The following OTUD7A variants were observed in gnomAD, a reference collection of about 807,000 sequenced individuals.
OTUD7A encodes the protein OTU deubiquitinase 7A.
In OTUD7A, 12 loss-of-function variants were observed where a neutral mutation model predicts 65.7. That is an observed-to-expected ratio of 0.18 (90% confidence interval 0.12 to 0.30). OTUD7A has a LOEUF of 0.30. Ranked by LOEUF, OTUD7A falls within the 10% of genes least tolerant of loss-of-function variation. OTUD7A has a pLI of 1.00. For missense variants in OTUD7A, 1,148 were observed against 1,304.8 expected (o/e 0.88, Z 1.85); for synonymous variants, 641 against 586.3 (o/e 1.09, Z -1.35).
chr15:31,532,964 G>T, intron 5 of OTUD7A, among the ~76,000 whole-genome samples: 1 of 138,282 alleles, frequency 7.2e-6, no homozygotes, highest in Admixed American at 7.2e-5. Flanking sequence ...AGTGTTCAAA[G>T]AAATAATCAC....
intron 1 of OTUD7A, among the ~76,000 whole-genome samples, chr15:31,733,016 ACT>A (rs1894088970): frequency 6.6e-6 from 1 of 152,024 alleles, no homozygotes; most frequent in Non-Finnish European, 1.5e-5. Context: ...AAGAATTAAA[ACT>A]CAGCCAGTCT....
intron 5 of OTUD7A, among the ~76,000 whole-genome samples, chr15:31,549,135 CAA>C (rs568463366): frequency 0.11 from 6,893 of 64,990 alleles, 516 homozygotes; most frequent in African/African-American, 0.28. Flanking sequence ...GGCCTTGTCT[CAA>C]AAAAAAAAAA....
intron 10 of OTUD7A, among the ~76,000 whole-genome samples, chr15:31,496,147 T>TACTTCCTCCATTATTTTATTC: frequency 1.3e-5 from 2 of 152,050 alleles, no homozygotes; most frequent in East Asian, 3.9e-4. Flanking sequence ...TGTCTTGTAA[T>TACTTCCTCCATTATTTTATTC]AGGCATTACA....
intron 8 of OTUD7A, among the ~76,000 whole-genome samples, chr15:31,517,949 C>T (rs545489786): frequency 1.3e-5 from 2 of 152,242 alleles, no homozygotes; most frequent in East Asian, 1.9e-4. Context: ...GGCAGTCACC[C>T]AGCCACCCAG....
At chr15:31,834,774 A>G (rs957791668) in intron 1 of OTUD7A, among the ~76,000 whole-genome samples, 1 of 152,228 alleles carries the variant, frequency 6.6e-6, no homozygotes, top group Admixed American at 6.5e-5. Context: ...GGAAGTATGT[A>G]AAAGTGGTTA....
chr15:31,486,469 GTC>G (rs1375957767), intron 12 of OTUD7A, among the ~76,000 whole-genome samples: 2 of 152,250 alleles, frequency 1.3e-5, no homozygotes, highest in East Asian at 3.8e-4. Flanking sequence ...TTAAGTAAAT[GTC>G]TGGAGAGGAC....
chr15:31,778,756 A>ACAC (rs1491525562), intron 1 of OTUD7A, among the ~76,000 whole-genome samples: 3 of 145,186 alleles, frequency 2.1e-5, no homozygotes, highest in African/African-American at 8.5e-5. Flanking sequence ...ACACACACAC[A>ACAC]GACACGCACA....
intron 1 of OTUD7A, among the ~76,000 whole-genome samples, chr15:31,676,773 G>T (rs1355042958): frequency 1.3e-5 from 2 of 152,216 alleles, no homozygotes; most frequent in African/African-American, 4.8e-5. Context: ...GTGGGAAAAG[G>T]ACCACATTAT....
At chr15:31,835,419 C>T (rs2140987788) in intron 1 of OTUD7A, among the ~76,000 whole-genome samples, 1 of 152,302 alleles carries the variant, frequency 6.6e-6, no homozygotes, top group East Asian at 1.9e-4. Context: ...ACTTGTTTGA[C>T]CTTCCAAAAA....
chr15:31,748,846 C>G (rs1054511435), intron 1 of OTUD7A, among the ~76,000 whole-genome samples: 13 of 151,950 alleles, frequency 8.6e-5, no homozygotes, highest in Non-Finnish European at 1.8e-4. Context: ...TGCATTATAC[C>G]CTTAATAGAC....
chr15:31,773,557 C>T (rs1237855450), intron 1 of OTUD7A, among the ~76,000 whole-genome samples: 1 of 152,206 alleles, frequency 6.6e-6, no homozygotes, highest in Non-Finnish European at 1.5e-5. Context: ...CTTCTAATAT[C>T]ATCACCTTGG....
rs182372842 is a variant in OTUD7A at position 31,602,680 on chromosome 15, A to C, written c.152-32483T>G. ...AGTCAAATTGTCTCTGTTTGTAGAT[A>C]ACATGATTGTATATTTAGAAAACCC... is the stretch of plus-strand genomic sequence containing the variant. On this transcript the variant is annotated intron_variant, in intron 3 of 12. Coordinates refer to ENST00000307050, the MANE Select transcript of OTUD7A (RefSeq NM_001382637.1). 1.2e-4 allele frequency among the ~76,000 whole-genome samples: 19 copies of C among 152,302 alleles called. No individual in the cohort carries two copies. In the East Asian group the frequency reaches 3.7e-3, roughly 29 times the overall value.
chr15:31,547,947 A>C (rs1006011723), intron 5 of OTUD7A, among the ~76,000 whole-genome samples: 1 of 152,252 alleles, frequency 6.6e-6, no homozygotes, highest in African/African-American at 2.4e-5. Flanking sequence ...CAGTCACAAA[A>C]ATGGTCAAAA....
In OTUD7A at chr15:31,817,283, C is replaced by CCG. The variant is rs1555421140; in HGVS notation, c.-100+53223_-100+53224insCG. On this transcript the variant is annotated intron_variant, in intron 1 of 12. Transcript: ENST00000307050. Reference sequence around the variant, plus strand: ...ACCACCCTAGATCATTTGCCCCCCCCCATCACTCATGGCTTATCAGTGAGA... The same window carrying CCG: ...ACCACCCTAGATCATTTGCCCCCCCCCGCATCACTCATGGCTTATCAGTGAGA... 6.7e-5 allele frequency among the ~76,000 whole-genome samples: 10 copies of CCG among 150,162 alleles called. No homozygotes were observed. In the East Asian group the frequency reaches 2.0e-3, roughly 30 times the overall value.
chr15:31,861,805 A>T (rs12914578), intron 1 of OTUD7A, among the ~76,000 whole-genome samples: 60,708 of 152,062 alleles, frequency 0.4, 14,458 homozygotes, highest in Non-Finnish European at 0.52. Context: ...ACAACCAGAG[A>T]GTTTTCACTC....
Position 31,479,606 on chromosome 15 carries a change from T to G in OTUD7A, c.*3688A>C, listed in dbSNP as rs1182995660. On this transcript the variant is annotated 3_prime_UTR_variant, in exon 13 of 13. Coordinates refer to ENST00000307050, the MANE Select transcript of OTUD7A (RefSeq NM_001382637.1). ...ATCTTAACCAATGGGAAGTATATTT[T>G]AAGTTTATTTTTGCAAAGTAGAATA... 1 of 148,854 alleles carries G rather than the reference T, an allele frequency of 6.7e-6. No homozygotes were observed. Among genetic ancestry groups the G allele is most frequent in the Non-Finnish European group, 1.5e-5 (1 of 67,582 alleles). The allele number at this position is 148,854 out of a possible 1,614,324, so 9.2% of individuals were successfully genotyped here.
chr15:31,579,511 T>A (rs1889306781), intron 3 of OTUD7A, among the ~76,000 whole-genome samples: 1 of 152,136 alleles, frequency 6.6e-6, no homozygotes, highest in South Asian at 2.1e-4. Context: ...CTGGACCCAC[T>A]GGACAAAGGG....
In OTUD7A at chr15:31,764,873, T is replaced by C. The variant is rs908567737; in HGVS notation, c.-100+105634A>G. On this transcript the variant is annotated intron_variant, in intron 1 of 12. Transcript: ENST00000307050. ...TGTTCCATCATCATAGAAGTCAGTCTTTAGCTGAATGATTCTATATGCCCT... is the reference window on the plus strand; with the variant it reads ...TGTTCCATCATCATAGAAGTCAGTCCTTAGCTGAATGATTCTATATGCCCT... 2.0e-5 allele frequency among the ~76,000 whole-genome samples: 3 copies of C among 152,280 alleles called. No homozygotes were observed. In the East Asian group the frequency reaches 5.8e-4, roughly 29 times the overall value.
At chr15:31,663,857 T>C (rs1015255425) in intron 1 of OTUD7A, among the ~76,000 whole-genome samples, 37 of 152,122 alleles carry the variant, frequency 2.4e-4, no homozygotes, top group African/African-American at 7.7e-4. Flanking sequence ...CCAAAGTCCA[T>C]TGTATCATTC....
Sources: allele counts gnomAD v4.1 joint callset (sites outside exome capture counted in the v4.1 genomes callset), GRCh38; gene constraint gnomAD v4.1.1; transcripts MANE v1.5; gene names NCBI Gene and HGNC (gene_info 2026-07-23, HGNC 2026-07-21).